Variants in NOX4 observed in about 807,000 individuals in gnomAD.
The protein encoded by NOX4 is NADPH oxidase 4.
A neutral mutation model predicts 87.6 loss-of-function variants in NOX4; 69 were observed. The ratio of observed to expected loss-of-function variants is 0.79; its 90% confidence interval spans 0.65 to 0.96. NOX4 has a LOEUF of 0.96. Ranked by LOEUF, NOX4 falls within the 40% of genes least tolerant of loss-of-function variation. The probability of loss-of-function intolerance (pLI) is 0.00; values close to 1 mark genes in which losing one functional copy is unlikely to be tolerated. For missense variants in NOX4, 680 were observed against 681.5 expected (o/e 1.00, Z 0.02); for synonymous variants, 275 against 238.2 (o/e 1.15, Z -1.42).
chr11:89,456,340 C>T (rs576235807), intron 2 of NOX4, among the ~76,000 whole-genome samples: 1 of 151,792 alleles, frequency 6.6e-6, no homozygotes, highest in Non-Finnish European at 1.5e-5. Context: ...AATATAAATG[C>T]ACAAATATTT....
At chr11:89,383,984 C>T (rs543542087) in intron 11 of NOX4, among the ~76,000 whole-genome samples, 1 of 152,136 alleles carries the variant, frequency 6.6e-6, no homozygotes, top group Non-Finnish European at 1.5e-5. Context: ...CATCCCACAG[C>T]AGGCTTTAAA....
chr11:89,399,691 C>T (rs534146785), intron 11 of NOX4, among the ~76,000 whole-genome samples: 22 of 150,572 alleles, frequency 1.5e-4, no homozygotes, highest in Non-Finnish European at 2.5e-4. Flanking sequence ...TCTTGAAATC[C>T]GGGGCTCAAG....
At chr11:89,415,605 A>G (rs1942724177) in intron 8 of NOX4, among the ~76,000 whole-genome samples, 1 of 152,134 alleles carries the variant, frequency 6.6e-6, no homozygotes, top group African/African-American at 2.4e-5. Context: ...ATACATAAAT[A>G]TGCAGATACG....
intron 2 of NOX4, among the ~76,000 whole-genome samples, chr11:89,457,438 G>A (rs532423257): frequency 6.6e-6 from 1 of 152,270 alleles, no homozygotes; most frequent in South Asian, 2.1e-4. Context: ...CAAGCCAACA[G>A]GAGTAAACCC....
At chr11:89,411,797 G>T (rs7116108) in intron 8 of NOX4, among the ~76,000 whole-genome samples, 1 of 151,892 alleles carries the variant, frequency 6.6e-6, no homozygotes, top group Admixed American at 6.6e-5. Context: ...ATAAGAAAAT[G>T]GTACAAGAAA....
intron 8 of NOX4, among the ~76,000 whole-genome samples, chr11:89,414,525 AT>A (rs1429525530): frequency 2.0e-5 from 3 of 151,192 alleles, no homozygotes; most frequent in Non-Finnish European, 4.4e-5. Context: ...CTTCCACAGC[AT>A]TTTTATCTGC....
At chr11:89,408,365 A>G (rs1942300490) in intron 8 of NOX4, among the ~76,000 whole-genome samples, 1 of 152,194 alleles carries the variant, frequency 6.6e-6, no homozygotes, top group African/African-American at 2.4e-5. Context: ...TTCAAAAAGG[A>G]GGTCTATATT....
intron 6 of NOX4, among the ~76,000 whole-genome samples, chr11:89,435,391 G>C (rs904776145): frequency 6.6e-6 from 1 of 151,890 alleles, no homozygotes; most frequent in African/African-American, 2.4e-5. Context: ...TTACTTCATC[G>C]AAAGAACACC....
intron 2 of NOX4, among the ~76,000 whole-genome samples, chr11:89,475,463 G>A (rs1246691597): frequency 2.0e-5 from 3 of 151,766 alleles, no homozygotes; most frequent in Non-Finnish European, 4.4e-5. Flanking sequence ...TTCCCTAATG[G>A]TATGCATTAT....
At chr11:89,393,073 A>G (rs1941235163) in intron 11 of NOX4, among the ~76,000 whole-genome samples, 1 of 152,170 alleles carries the variant, frequency 6.6e-6, no homozygotes, top group South Asian at 2.1e-4. Context: ...TTGGACAACT[A>G]TCGATCTAAT....
At chr11:89,357,604 A>G (rs1394084568) in intron 12 of NOX4, among the ~76,000 whole-genome samples, 3 of 152,130 alleles carry the variant, frequency 2.0e-5, no homozygotes, top group African/African-American at 7.2e-5. Context: ...AAATCAAGCC[A>G]AAACCCAACA....
At chr11:89,376,711 T>C (rs995151140) in intron 11 of NOX4, among the ~76,000 whole-genome samples, 2 of 152,032 alleles carry the variant, frequency 1.3e-5, no homozygotes, top group Non-Finnish European at 2.9e-5. Flanking sequence ...TGAAACCCTG[T>C]CTCTACTAAA....
intron 8 of NOX4, among the ~76,000 whole-genome samples, chr11:89,415,800 T>C (rs1942735427): frequency 1.3e-5 from 2 of 152,032 alleles, no homozygotes; most frequent in Non-Finnish European, 2.9e-5. Context: ...CTAGGAAGTA[T>C]TAGAACAGGT....
At chr11:89,556,238 C>T in the NOX4 span, among the ~76,000 whole-genome samples, 2 of 151,906 alleles carry the variant, frequency 1.3e-5, no homozygotes, top group Non-Finnish European at 2.9e-5. Context: ...CCAAAGGAAA[C>T]ATAATAGAGG....
intron 8 of NOX4, among the ~76,000 whole-genome samples, chr11:89,416,756 C>T (rs1010048708): frequency 6.6e-6 from 1 of 152,080 alleles, no homozygotes; most frequent in African/African-American, 2.4e-5. Flanking sequence ...TTTTTAAAAA[C>T]ATGCACATAA....
chr11:89,494,721 G>A (rs1001414961), upstream of NOX4, among the ~76,000 whole-genome samples: 20 of 152,110 alleles, frequency 1.3e-4, no homozygotes, highest in African/African-American at 2.7e-4. Context: ...GTAAAGAAAC[G>A]GGGCAAGAAC....
At chr11:89,432,360 T>A (rs1218367345) in intron 7 of NOX4, among the ~76,000 whole-genome samples, 3 of 151,454 alleles carry the variant, frequency 2.0e-5, no homozygotes, top group Non-Finnish European at 4.4e-5. Flanking sequence ...AATAAAAAAA[T>A]AAATAAAATA....
At chr11:89,336,107 T>C in intron 16 of NOX4, 162 bp from the exon 17 acceptor site, 1 of 425,754 alleles carries the variant, frequency 2.3e-6, no homozygotes, top group Non-Finnish European at 4.3e-6. Context: ...AAAATATCAT[T>C]TCCTTTCTTC....
At chr11:89,346,219 A>G (rs1055567477) in intron 13 of NOX4, among the ~76,000 whole-genome samples, 9 of 152,188 alleles carry the variant, frequency 5.9e-5, no homozygotes, top group Admixed American at 5.9e-4. Context: ...TCATGTTAAA[A>G]GGAACATGGT....
Sources: allele counts gnomAD v4.1 joint callset (sites outside exome capture counted in the v4.1 genomes callset), GRCh38; gene constraint gnomAD v4.1.1; transcripts MANE v1.5; gene names NCBI Gene and HGNC (gene_info 2026-07-23, HGNC 2026-07-21).